TRPM3: variants seen among roughly 807,000 people sequenced by gnomAD.
The protein encoded by TRPM3 is transient receptor potential cation channel subfamily M member 3.
In TRPM3, 77 loss-of-function variants were observed where a neutral mutation model predicts 181.2. The observed-to-expected ratio is 0.42, with a 90% CI of 0.35 to 0.51. TRPM3 has a LOEUF of 0.51. TRPM3 is among the 20% of genes least tolerant of loss of function. The pLI is 0.01. For synonymous variants in TRPM3, 745 were observed against 796.4 expected (o/e 0.94, Z 1.09); for missense variants, 1,759 against 2,196.7 (o/e 0.80, Z 3.98).
chr9:70,550,404 A>G (rs2046193919), intron 24 of TRPM3, among the ~76,000 whole-genome samples: 1 of 152,214 alleles, frequency 6.6e-6, no homozygotes, highest in South Asian at 2.1e-4. Context: ...AATAGAAGGA[A>G]TCTGGATCTT....
chr9:71,264,280 CAG>C (rs1399602355), intron 1 of TRPM3, among the ~76,000 whole-genome samples: 2 of 152,170 alleles, frequency 1.3e-5, no homozygotes, highest in Non-Finnish European at 2.9e-5. Flanking sequence ...TGCCCCCTCT[CAG>C]AAGTCAAAGA....
intron 1 of TRPM3, among the ~76,000 whole-genome samples, chr9:71,126,749 T>C (rs916702687): frequency 6.6e-6 from 1 of 152,224 alleles, no homozygotes; most frequent in Non-Finnish European, 1.5e-5. Flanking sequence ...TTGTTATCTA[T>C]TCATTTTCCC....
At chr9:71,274,904 T>C (rs1334692383) in intron 1 of TRPM3, among the ~76,000 whole-genome samples, 1 of 152,212 alleles carries the variant, frequency 6.6e-6, no homozygotes, top group African/African-American at 2.4e-5. Flanking sequence ...TATTAAGGCC[T>C]AGGTCAGATA....
chr9:70,814,825 A>G (rs2092536564), intron 6 of TRPM3, among the ~76,000 whole-genome samples: 1 of 151,940 alleles, frequency 6.6e-6, no homozygotes, highest in South Asian at 2.1e-4. Context: ...CTGTGAATAG[A>G]CTACTTTCAA....
At chr9:71,062,267 G>A (rs939161392) in intron 1 of TRPM3, among the ~76,000 whole-genome samples, 1 of 152,002 alleles carries the variant, frequency 6.6e-6, no homozygotes, top group Non-Finnish European at 1.5e-5. Context: ...AATGCTCTGT[G>A]GTTTTAATCC....
intron 1 of TRPM3, among the ~76,000 whole-genome samples, chr9:71,278,381 G>A (rs1235909093): frequency 2.0e-5 from 3 of 152,178 alleles, no homozygotes; most frequent in Non-Finnish European, 2.9e-5. Context: ...TTCTTGAATG[G>A]AATCTCAAAG....
At chr9:70,950,553 A>G (rs2096987040) in intron 1 of TRPM3, among the ~76,000 whole-genome samples, 1 of 152,222 alleles carries the variant, frequency 6.6e-6, no homozygotes, top group Non-Finnish European at 1.5e-5. Context: ...TCTTTTGGGA[A>G]AATGCAGCCC....
At chr9:70,876,430 C>A (rs140923878) in intron 1 of TRPM3, among the ~76,000 whole-genome samples, 30 of 150,826 alleles carry the variant, frequency 2.0e-4, no homozygotes, top group Non-Finnish European at 3.5e-4. Context: ...TATATGTACC[C>A]CAAGTCACTA....
chr9:70,590,040 C>T (rs556413394), intron 22 of TRPM3, among the ~76,000 whole-genome samples: 3 of 152,142 alleles, frequency 2.0e-5, no homozygotes, highest in Admixed American at 1.3e-4. Flanking sequence ...AGGGCTCAGA[C>T]GGCTGGCCTG....
At chr9:70,546,735 A>T (rs1033191442) in intron 25 of TRPM3, among the ~76,000 whole-genome samples, 2 of 151,426 alleles carry the variant, frequency 1.3e-5, no homozygotes, top group Non-Finnish European at 2.9e-5. Flanking sequence ...AAGCTTGGTT[A>T]TTTGAGTATA....
chr9:71,184,049 T>C (rs373198936), intron 1 of TRPM3, among the ~76,000 whole-genome samples: 1 of 152,040 alleles, frequency 6.6e-6, no homozygotes, highest in African/African-American at 2.4e-5. Context: ...TCAAGCCCCA[T>C]CATCAGCTCA....
intron 1 of TRPM3, among the ~76,000 whole-genome samples, chr9:71,410,867 A>G (rs2093534002): frequency 6.6e-6 from 1 of 152,234 alleles, no homozygotes; most frequent in Non-Finnish European, 1.5e-5. Context: ...AATACTGGCA[A>G]ACCGAATCCA....
At chr9:71,290,466 T>C (rs2085712639) in intron 1 of TRPM3, among the ~76,000 whole-genome samples, 1 of 152,114 alleles carries the variant, frequency 6.6e-6, no homozygotes, top group African/African-American at 2.4e-5. Flanking sequence ...AATAATTGAA[T>C]GTCCAATAGA....
At chr9:71,004,237 T>C (rs1170051197) in intron 1 of TRPM3, among the ~76,000 whole-genome samples, 1 of 152,240 alleles carries the variant, frequency 6.6e-6, no homozygotes, top group Non-Finnish European at 1.5e-5. Flanking sequence ...CTCAAATCCC[T>C]GGCTGAATTT....
chr9:71,344,697 T>G (rs2132627466), intron 1 of TRPM3, among the ~76,000 whole-genome samples: 1 of 152,252 alleles, frequency 6.6e-6, no homozygotes, highest in African/African-American at 2.4e-5. Context: ...ATTTCTTAGC[T>G]AGGACTCAAA....
chr9:71,185,346 C>T (rs934929337), intron 1 of TRPM3, among the ~76,000 whole-genome samples: 3 of 152,114 alleles, frequency 2.0e-5, no homozygotes, highest in African/African-American at 7.2e-5. Context: ...ATCCCTTTAT[C>T]TAAAGGAAAG....
intron 1 of TRPM3, among the ~76,000 whole-genome samples, chr9:71,365,102 C>T (rs1052203991): frequency 3.3e-5 from 5 of 152,102 alleles, no homozygotes; most frequent in African/African-American, 1.2e-4. Context: ...AGGACTTAAG[C>T]GCAGCAAAGC....
intron 1 of TRPM3, among the ~76,000 whole-genome samples, chr9:71,423,690 G>A (rs373863010): frequency 6.6e-6 from 1 of 152,052 alleles, no homozygotes; most frequent in African/African-American, 2.4e-5. Context: ...ACAAACACAC[G>A]TATATATGTA....
chr9:70,791,635 T>C (rs1028879), intron 6 of TRPM3, among the ~76,000 whole-genome samples: 40,378 of 152,108 alleles, frequency 0.27, 6,453 homozygotes, highest in East Asian at 0.52. Context: ...TATCTTGGCA[T>C]GTGAAATTTT....
Sources: allele counts gnomAD v4.1 joint callset (sites outside exome capture counted in the v4.1 genomes callset), GRCh38; gene constraint gnomAD v4.1.1; transcripts MANE v1.5; gene names NCBI Gene and HGNC (gene_info 2026-07-23, HGNC 2026-07-21).